Variants in CLK4 observed in about 807,000 individuals in gnomAD.
The protein encoded by CLK4 is dual specificity protein kinase CLK4.
Under a neutral mutation model 64.4 loss-of-function variants are expected in CLK4, and 37 were observed. That is an observed-to-expected ratio of 0.57 (90% CI 0.44 to 0.76). The LOEUF is 0.76. Among genes scored for constraint, CLK4 ranks in the 30% least tolerant of loss-of-function variants. CLK4 has a pLI of 0.00. For missense variants in CLK4, 457 were observed against 605.1 expected, an observed-to-expected ratio of 0.76 and a Z score of 2.57; for synonymous variants, 175 against 191.6, an observed-to-expected ratio of 0.91 and a Z score of 0.72.
chr5:178,608,298 T>C (rs1318804051), intron 10 of CLK4, 78 bp downstream of exon 10: 7 of 1,019,004 alleles, frequency 6.9e-6, no homozygotes, highest in Admixed American at 5.2e-5. Context: ...TTTTCCAATA[T>C]GGAAGTCAAA....
chr5:178,612,035 A>C (rs1023406549), intron 9 of CLK4, among the ~76,000 whole-genome samples: 3 of 152,132 alleles, frequency 2.0e-5, no homozygotes, highest in African/African-American at 7.2e-5. Context: ...TATCCATCCT[A>C]TATTCTAGAC....
intron 5 of CLK4, among the ~76,000 whole-genome samples, chr5:178,616,471 C>T (rs1764628348): frequency 6.6e-6 from 1 of 152,044 alleles, no homozygotes. Context: ...GAGTAATTTA[C>T]CCCCCAAAAC....
Position 178,613,703 on chromosome 5 carries a change from C to T in CLK4, c.659+24G>A, listed in dbSNP as rs2113806962. On this transcript the variant is annotated intron_variant, in intron 6 of 12. Transcript: ENST00000316308. ...CTGAATATTTCATGTAATATGATGG[C>T]TCCTAGGTGAAAGTTATACTTACAA... 3.1e-6 allele frequency: 5 copies of T among 1,607,640 alleles called. No homozygotes were observed. In the East Asian group the frequency reaches 1.1e-4, roughly 36 times the overall value.
At chr5:178,608,328 G>A (rs767133378) in intron 10 of CLK4, 48 bp downstream of exon 10, 52 of 1,356,650 alleles carry the variant, frequency 3.8e-5, no homozygotes, top group South Asian at 1.7e-4. Context: ...TACCTTTAAC[G>A]TTTACAATTT....
intron 2 of CLK4, chr5:178,619,973 G>A (rs981505208): frequency 2.2e-6 from 1 of 449,962 alleles, no homozygotes; most frequent in African/African-American, 2.0e-5. Flanking sequence ...AGTGACGGAT[G>A]TTGACTAGAT....
Position 178,617,096 on chromosome 5 carries a change from G to C in CLK4, c.476-148C>G, listed in dbSNP as rs904086779. ...CAGCACTCAAATTATTTTAGTTTCA[G>C]CTGCTACAAAAACAATTAGATAGAG... On this transcript the variant is annotated intron_variant, in intron 4 of 12. Transcript: ENST00000316308. This position sits in a 1 kb window ranked among gnomAD's most constrained non-coding sequence, Gnocchi z 5.2. The C allele has an allele frequency of 1.3e-5, 9 of 667,074 alleles. No individual in the cohort carries two copies. The highest frequency in any genetic ancestry group is 5.8e-5 in the Admixed American group (2 of 34,398). The allele number at this position is 667,074 out of a possible 1,614,324, so 41.3% of individuals were successfully genotyped here. A position where few individuals can be genotyped will look rare whatever the true frequency, so the allele number is the denominator to read the frequency against.
In CLK4 at chr5:178,617,326, T is replaced by C. The variant is rs1318578972; in HGVS notation, c.475+18A>G. On this transcript the variant is annotated intron_variant, in intron 4 of 12. Coordinates refer to ENST00000316308, the MANE Select transcript of CLK4 (RefSeq NM_020666.3). The surrounding 1 kb of genome is among the most constrained non-coding windows in gnomAD (Gnocchi z 5.2). Reference sequence around the variant, plus strand: ...TTCTTTCTGCAAAGTTTAAAAAGTGTTGAAAAATATTCTATACATCTTGCT... The same window carrying C: ...TTCTTTCTGCAAAGTTTAAAAAGTGCTGAAAAATATTCTATACATCTTGCT... The C allele has an allele frequency of 6.3e-7, 1 of 1,584,430 alleles. No individual in the cohort carries two copies.
intron 9 of CLK4, among the ~76,000 whole-genome samples, chr5:178,611,991 G>GCT (rs57113765): frequency 0.23 from 34,489 of 152,022 alleles, 5,997 homozygotes; most frequent in African/African-American, 0.47. Context: ...TATCACAGGA[G>GCT]CTCTTAGAGA....
chr5:178,618,591 G>A lies in CLK4; in HGVS notation c.349C>T (p.Arg117Cys), dbSNP rs752872069. The change falls in exon 3 of 13, where the codon CGC becomes TGC. Residue 117 changes from arginine (R) to cysteine (C), a missense_variant. Coordinates refer to ENST00000316308, the MANE Select transcript of CLK4 (RefSeq NM_020666.3). ...TGATGACTTGAACAGTGTCTATTGC[G>A]CTTCCTTTTAGGACTGCTTCTCCTG... ...RSRRSSPKRKRNRHCSSHQSR... is the reference protein window; with the variant it reads ...RSRRSSPKRKCNRHCSSHQSR... 23 of 1,613,738 alleles carry A rather than the reference G, an allele frequency of 1.4e-5. No homozygotes were observed. Among genetic ancestry groups the A allele is most frequent in the African/African-American group, 5.3e-5 (4 of 74,854 alleles).
chr5:178,621,780 T>C (rs1038103042), intron 2 of CLK4: 13 of 152,234 alleles, frequency 8.5e-5, no homozygotes, highest in African/African-American at 3.1e-4. Context: ...TCCTGGAGTG[T>C]ATTTTCAGGA....
rs1354469752 is a variant in CLK4 at position 178,603,113 on chromosome 5, T to G, written c.*504A>C. 6.6e-6 allele frequency: 1 copy of G among 152,664 alleles called. No individual in the cohort carries two copies. The highest frequency in any genetic ancestry group is 1.5e-5 in the Non-Finnish European group (1 of 68,040). 9.5% of individuals were successfully genotyped at this position (152,664 alleles called of 1,614,324 possible). On this transcript the variant is annotated 3_prime_UTR_variant, in exon 13 of 13. Transcript: ENST00000316308. ...TGAAAAAGAATACAACACTTAAAAT[T>G]TAATAGAATTCTAACAGTAAACATT...
Position 178,617,056 on chromosome 5 carries a change from G to T in CLK4, c.476-108C>A, listed in dbSNP as rs1764637287. 1.7e-5 allele frequency: 13 copies of T among 786,244 alleles called. No homozygotes were observed. In the Middle Eastern group the frequency reaches 1.4e-3, roughly 83 times the overall value. The allele number at this position is 786,244 out of a possible 1,614,324, so 48.7% of individuals were successfully genotyped here. A position where few individuals can be genotyped will look rare whatever the true frequency, so the allele number is the denominator to read the frequency against. On this transcript the variant is annotated intron_variant, in intron 4 of 12. Coordinates refer to ENST00000316308, the MANE Select transcript of CLK4 (RefSeq NM_020666.3). The surrounding 1 kb of genome is among the most constrained non-coding windows in gnomAD (Gnocchi z 5.2). ...ATATTTTCAAATGATCTCTAACAAA[G>T]CATAACTAAGGTTTCAGCACTCAAA...
At chr5:178,607,657 C>G in intron 10 of CLK4, among the ~76,000 whole-genome samples, 1 of 151,760 alleles carries the variant, frequency 6.6e-6, no homozygotes, top group Non-Finnish European at 1.5e-5. Flanking sequence ...ACTACAGGCG[C>G]CCGCCACCAC....
At position 178,617,317 on chromosome 5, in the gene CLK4, TA is replaced by T. The variant is rs1764640666; in HGVS notation, c.475+26del. 1 of 1,555,752 alleles carries T rather than the reference TA, an allele frequency of 6.4e-7. No individual in the cohort carries two copies. The highest frequency in any genetic ancestry group is 1.4e-5 in the African/African-American group (1 of 73,728). ...AAAAGATTATTCTTTCTGCAAAGTT[TA>T]AAAAGTGTTGAAAAATATTCTATAC... On this transcript the variant is annotated intron_variant, in intron 4 of 12. Coordinates refer to ENST00000316308, the MANE Select transcript of CLK4 (RefSeq NM_020666.3). This position sits in a 1 kb window ranked among gnomAD's most constrained non-coding sequence, Gnocchi z 5.2.
Position 178,618,783 on chromosome 5 carries a change from A to C in CLK4, c.162-5T>G, listed in dbSNP as rs1451448854. On this transcript the variant is annotated splice_region_variant and splice_polypyrimidine_tract_variant and intron_variant, in intron 2 of 12. Coordinates refer to ENST00000316308, the MANE Select transcript of CLK4 (RefSeq NM_020666.3). ...GACCTTGCTTCTAAATAATGACTGC[A>C]AACACATTAAAAGATTTCAAATTAT... 1.2e-6 allele frequency: 2 copies of C among 1,602,052 alleles called. No homozygotes were observed. The highest frequency in any genetic ancestry group is 1.7e-6 in the Non-Finnish European group (2 of 1,170,914).
chr5:178,607,444 TCA>T (rs1764482862), intron 10 of CLK4, among the ~76,000 whole-genome samples: 3 of 151,184 alleles, frequency 2.0e-5, no homozygotes, highest in Non-Finnish European at 3.0e-5. Flanking sequence ...TCCTATGTTC[TCA>T]GTGACGCCTT....
Position 178,617,215 on chromosome 5 carries a change from GAACA to G in CLK4, c.475+125_475+128del, listed in dbSNP as rs964743205. ...TCTACAGAAAAGAAGAAATATAAAA[GAACA>G]AACAAACCCACAAAAAGCAAAATAA... On this transcript the variant is annotated intron_variant, in intron 4 of 12. Coordinates refer to ENST00000316308, the MANE Select transcript of CLK4 (RefSeq NM_020666.3). The surrounding 1 kb of genome is among the most constrained non-coding windows in gnomAD (Gnocchi z 5.2). The G allele has an allele frequency of 9.7e-6, 7 of 721,316 alleles. No individual in the cohort carries two copies. Among genetic ancestry groups the G allele is most frequent in the Admixed American group, 2.7e-5 (1 of 37,300 alleles). The allele number at this position is 721,316 out of a possible 1,614,324, so 44.7% of individuals were successfully genotyped here.
intron 2 of CLK4, among the ~76,000 whole-genome samples, chr5:178,619,323 C>G (rs570702940): frequency 6.6e-6 from 1 of 152,286 alleles, no homozygotes; most frequent in African/African-American, 2.4e-5. Flanking sequence ...ACATTAGTGA[C>G]AAAAACTAAA....
intron 10 of CLK4, among the ~76,000 whole-genome samples, chr5:178,607,141 G>C (rs963517404): frequency 6.6e-6 from 1 of 150,704 alleles, no homozygotes; most frequent in African/African-American, 2.4e-5. Context: ...AAAAAAGCAG[G>C]AGGGATAATC....
Sources: gnomAD v4.1 joint callset for allele counts (sites outside exome capture counted in the v4.1 genomes callset) on GRCh38, gnomAD v4.1.1 for gene constraint, Gnocchi (gnomAD v3.1) non-coding constraint, MANE v1.5 for transcripts, NCBI Gene and HGNC (gene_info 2026-07-23, HGNC 2026-07-21) for gene names.